IL22RA2: variants seen among roughly 807,000 people sequenced by gnomAD.
The protein encoded by IL22RA2 is interleukin-22 receptor subunit alpha-2.
Under a neutral mutation model 30.7 loss-of-function variants are expected in IL22RA2, and 39 were observed. The ratio of observed to expected loss-of-function variants is 1.27; its 90% CI spans 0.98 to 1.66. IL22RA2 has a LOEUF of 1.66. Among genes scored for constraint, IL22RA2 ranks in the 40% most tolerant of loss-of-function variants. The pLI is 0.00. For synonymous variants in IL22RA2, 103 were observed against 105.0 expected (o/e 0.98, Z 0.11); for missense variants, 315 against 312.7 (o/e 1.01, Z -0.05).
intron 2 of IL22RA2, among the ~76,000 whole-genome samples, chr6:137,159,485 T>A (rs997508887): frequency 2.0e-5 from 3 of 152,148 alleles, no homozygotes; most frequent in Admixed American, 2.0e-4. Context: ...CATGCCTGGC[T>A]AATTTTTTTG....
intron 1 of IL22RA2, among the ~76,000 whole-genome samples, chr6:137,172,384 A>G (rs1227199751): frequency 6.6e-6 from 1 of 152,244 alleles, no homozygotes; most frequent in East Asian, 1.9e-4. Context: ...AAACCAGACC[A>G]GTTCTGTCAC....
chr6:137,164,546 C>T (rs1482236567), intron 1 of IL22RA2, among the ~76,000 whole-genome samples: 2 of 152,196 alleles, frequency 1.3e-5, no homozygotes, highest in Non-Finnish European at 2.9e-5. Context: ...AAATTCCACC[C>T]CACTATGCAC....
In IL22RA2 at chr6:137,154,952, G is replaced by A. The variant is rs753264521; in HGVS notation, c.461C>T (p.Pro154Leu). ...TCCATGGAACTCACTTTCCCACCAG[G>A]GAGTGAACCGCGGCGTCATGCTCCA... ...SEWSMTPRFTPWWETKIDPPV... is the reference protein window; with the variant it reads ...SEWSMTPRFTLWWETKIDPPV... Residue 154 changes from proline to leucine, a missense_variant, in exon 5 of 7, where the codon CCC becomes CTC. Pro to Leu is a moderately conservative substitution (Grantham distance 98). Transcript: ENST00000296980. The A allele has an allele frequency of 6.2e-7, 1 of 1,614,008 alleles. No individual in the cohort carries two copies. Among genetic ancestry groups the A allele is most frequent in the Non-Finnish European group, 8.5e-7 (1 of 1,179,912 alleles).
intron 1 of IL22RA2, among the ~76,000 whole-genome samples, chr6:137,171,250 T>C (rs561214301): frequency 1.3e-5 from 2 of 152,214 alleles, no homozygotes; most frequent in Admixed American, 6.5e-5. Context: ...TCCTTAAGCT[T>C]GCTTCTCAAG....
chr6:137,165,503 C>T (rs577681625), intron 1 of IL22RA2, among the ~76,000 whole-genome samples: 7 of 152,198 alleles, frequency 4.6e-5, no homozygotes, highest in Admixed American at 3.9e-4. Flanking sequence ...GACTTGCTGG[C>T]GGTGGCCTTA....
At chr6:137,151,928 G>A (rs1413704305) in intron 5 of IL22RA2, among the ~76,000 whole-genome samples, 2 of 152,200 alleles carry the variant, frequency 1.3e-5, no homozygotes, top group Non-Finnish European at 2.9e-5. Flanking sequence ...CTCATATATT[G>A]CTGATGGGAA....
At chr6:137,172,009 T>A (rs1778745161) in intron 1 of IL22RA2, among the ~76,000 whole-genome samples, 1 of 152,240 alleles carries the variant, frequency 6.6e-6, no homozygotes, top group South Asian at 2.1e-4. Context: ...TCATGCTCCT[T>A]AGCTTGCAAC....
chr6:137,156,714 A>G, intron 4 of IL22RA2, 45 bp downstream of exon 4: 2 of 1,597,886 alleles, frequency 1.3e-6, no homozygotes, highest in Non-Finnish European at 1.7e-6. Flanking sequence ...TGTTTCTATA[A>G]CAGAACACCT....
Position 137,155,132 on chromosome 6 carries a change from A to G in IL22RA2, c.294-13T>C, listed in dbSNP as rs1163867829. The G allele has an allele frequency of 6.6e-7, 1 of 1,513,138 alleles. No individual in the cohort carries two copies. Among genetic ancestry groups the G allele is most frequent in the African/African-American group, 1.4e-5 (1 of 70,736 alleles). The allele number at this position is 1,513,138 out of a possible 1,614,324, so 93.7% of individuals were successfully genotyped here. On this transcript the variant is annotated splice_polypyrimidine_tract_variant and intron_variant, in intron 4 of 6. Transcript: ENST00000296980. The stretch of plus-strand genomic sequence containing the variant: ...TCTCTGTCCATATCTGTAGCAGGGA[A>G]AAGGCAAAGATCTGAGTTTCTTTTC...
intron 5 of IL22RA2, 87 bp downstream of exon 5, chr6:137,154,854 A>G: frequency 8.9e-7 from 1 of 1,120,332 alleles, no homozygotes; most frequent in Non-Finnish European, 1.4e-6. Flanking sequence ...GACCTCAGCA[A>G]AGCACAAGGC....
intron 4 of IL22RA2, 104 bp downstream of exon 4, chr6:137,156,655 G>C: frequency 1.4e-6 from 2 of 1,452,396 alleles, no homozygotes; most frequent in Non-Finnish European, 1.9e-6. Flanking sequence ...GACAGGAATG[G>C]ATTCAGGTAT....
chr6:137,147,669 G>T, intron 6 of IL22RA2, 53 bp downstream of exon 6: 1 of 1,358,820 alleles, frequency 7.4e-7, no homozygotes, highest in South Asian at 1.4e-5. Context: ...CACAATATTG[G>T]TTAAATAAAC....
intron 5 of IL22RA2, among the ~76,000 whole-genome samples, chr6:137,153,960 A>G (rs1213161222): frequency 6.6e-6 from 1 of 152,218 alleles, no homozygotes; most frequent in Non-Finnish European, 1.5e-5. Context: ...ACTTGTTGCA[A>G]TTATGAGGAC....
intron 6 of IL22RA2, among the ~76,000 whole-genome samples, chr6:137,147,399 A>T (rs1323940999): frequency 1.3e-5 from 2 of 150,708 alleles, no homozygotes; most frequent in Non-Finnish European, 3.0e-5. Context: ...AAATAAATAA[A>T]TAAATAAATA....
intron 5 of IL22RA2, among the ~76,000 whole-genome samples, chr6:137,154,458 T>C (rs1380106757): frequency 6.6e-6 from 1 of 152,078 alleles, no homozygotes; most frequent in Non-Finnish European, 1.5e-5. Context: ...CTACTAAAAA[T>C]ACAAAAATTA....
At chr6:137,170,018 G>A (rs193184328) in intron 1 of IL22RA2, among the ~76,000 whole-genome samples, 12 of 152,260 alleles carry the variant, frequency 7.9e-5, no homozygotes, top group African/African-American at 2.6e-4. Context: ...GTAATACTAG[G>A]CTTTGTGGCC....
At chr6:137,171,851 A>G (rs1778741229) in intron 1 of IL22RA2, among the ~76,000 whole-genome samples, 3 of 152,220 alleles carry the variant, frequency 2.0e-5, no homozygotes, top group Non-Finnish European at 4.4e-5. Context: ...TGTGTGGATA[A>G]CATCAGGTTT....
At position 137,154,577 on chromosome 6, in the gene IL22RA2, T is replaced by C. The variant is rs571861193; in HGVS notation, c.472+364A>G. ...TTGCAGTGAGCCAAGATCGTGCCAC[T>C]GCACTCCAGCCTGGGTGACAAAGCG... On this transcript the variant is annotated intron_variant, in intron 5 of 6. Transcript: ENST00000296980. Among the ~76,000 whole-genome samples the C allele has an allele frequency of 2.2e-4, 34 of 152,160 alleles. 1 individual carries two copies. Among genetic ancestry groups the C allele is most frequent in the Non-Finnish European group, 1.2e-4 (8 of 68,010 alleles).
intron 1 of IL22RA2, among the ~76,000 whole-genome samples, chr6:137,167,430 G>A (rs1222656722): frequency 2.0e-5 from 3 of 152,172 alleles, no homozygotes; most frequent in Non-Finnish European, 4.4e-5. Context: ...TTAAAAAATT[G>A]GGGAATTAAC....
Sources: allele counts gnomAD v4.1 joint callset (sites outside exome capture counted in the v4.1 genomes callset), GRCh38; gene constraint gnomAD v4.1.1; transcripts MANE v1.5; gene names NCBI Gene and HGNC (gene_info 2026-07-23, HGNC 2026-07-21).